The following MMP16 variants were observed in gnomAD, a reference collection of about 807,000 sequenced individuals.
MMP16 encodes matrix metalloproteinase-16.
MMP16 carries 12 observed loss-of-function variants against 67.8 expected under a neutral mutation model. The observed-to-expected ratio is 0.18, with a 90% CI of 0.11 to 0.29. The LOEUF (loss-of-function observed/expected upper bound fraction) is 0.29. MMP16 is among the 10% of genes least tolerant of loss of function. The pLI, the probability that MMP16 is intolerant of heterozygous loss-of-function variation, is 1.00. For missense variants in MMP16, 475 were observed against 765.7 expected (o/e 0.62, Z 4.48); for synonymous variants, 249 against 255.9 (o/e 0.97, Z 0.26).
intron 1 of MMP16, among the ~76,000 whole-genome samples, chr8:88,237,484 T>C (rs1378388468): frequency 6.6e-6 from 1 of 152,106 alleles, no homozygotes; most frequent in Non-Finnish European, 1.5e-5. Context: ...CCGTCTCTAC[T>C]AAATATACAA....
In MMP16 at chr8:88,239,310, A is replaced by AAG. The variant is rs1484988155; in HGVS notation, c.133-42005_133-42004insCT. On this transcript the variant is annotated intron_variant, in intron 1 of 9. Coordinates refer to ENST00000286614, the MANE Select transcript of MMP16 (RefSeq NM_005941.5). ...ACGCAGTCTCAAAAAAAAAAAAAAAAAAAAGAAAATTTCAAAATCAATTAA... is the reference window on the plus strand; with the variant it reads ...ACGCAGTCTCAAAAAAAAAAAAAAAAAGAAAAGAAAATTTCAAAATCAATTAA... 2.4e-4 allele frequency among the ~76,000 whole-genome samples: 36 copies of AAG among 151,424 alleles called. No homozygotes were observed. In the South Asian group the frequency reaches 4.8e-3, roughly 20 times the overall value.
intron 1 of MMP16, among the ~76,000 whole-genome samples, chr8:88,296,118 A>G (rs2130030679): frequency 6.6e-6 from 1 of 152,308 alleles, no homozygotes; most frequent in South Asian, 2.1e-4. Flanking sequence ...TTCAGGCTCC[A>G]TCATTCATCC....
chr8:88,243,991 T>C (rs1393370053), intron 1 of MMP16, among the ~76,000 whole-genome samples: 1 of 152,294 alleles, frequency 6.6e-6, no homozygotes, highest in East Asian at 1.9e-4. Flanking sequence ...GTAAATCAGT[T>C]ACTGGAATTG....
At chr8:88,233,255 G>T (rs186360750) in intron 1 of MMP16, among the ~76,000 whole-genome samples, 4 of 151,974 alleles carry the variant, frequency 2.6e-5, no homozygotes, top group African/African-American at 9.7e-5. Context: ...TAAAGTTGCC[G>T]ATCAGATAAA....
At chr8:88,156,376 G>A (rs895841464) in intron 4 of MMP16, among the ~76,000 whole-genome samples, 1 of 152,100 alleles carries the variant, frequency 6.6e-6, no homozygotes, top group Admixed American at 6.6e-5. Context: ...TAAATCAATG[G>A]CAAAGCTACA....
rs568555984 is a variant in MMP16 at position 88,222,099 on chromosome 8, T to C, written c.133-24793A>G. On this transcript the variant is annotated intron_variant, in intron 1 of 9. Coordinates refer to ENST00000286614, the MANE Select transcript of MMP16 (RefSeq NM_005941.5). Reference sequence around the variant, plus strand: ...ATAGCATTTTATTATTGGGATAGAGTAATTATAAAATCCAGGCAGGTGTCT... The same window carrying C: ...ATAGCATTTTATTATTGGGATAGAGCAATTATAAAATCCAGGCAGGTGTCT... Among the ~76,000 whole-genome samples the C allele has an allele frequency of 8.6e-5, 13 of 151,966 alleles. No individual in the cohort carries two copies. In the South Asian group the frequency reaches 2.7e-3, roughly 32 times the overall value.
intron 2 of MMP16, among the ~76,000 whole-genome samples, chr8:88,187,371 TTCTA>T (rs1809092134): frequency 6.6e-6 from 1 of 152,198 alleles, no homozygotes; most frequent in Non-Finnish European, 1.5e-5. Flanking sequence ...CTGTCACATT[TTCTA>T]TCTATTCTTG....
chr8:88,082,183 T>C (rs1808762347), intron 6 of MMP16, among the ~76,000 whole-genome samples: 1 of 151,686 alleles, frequency 6.6e-6, no homozygotes, highest in South Asian at 2.1e-4. Context: ...ACACACACAG[T>C]TTATAAATGT....
chr8:88,254,304 T>C (rs1219667344), intron 1 of MMP16, among the ~76,000 whole-genome samples: 1 of 151,950 alleles, frequency 6.6e-6, no homozygotes. Flanking sequence ...CACAGGCCTA[T>C]CAGAGAGTGG....
intron 1 of MMP16, among the ~76,000 whole-genome samples, chr8:88,221,067 G>A (rs1422999266): frequency 6.6e-6 from 1 of 152,004 alleles, no homozygotes; most frequent in Non-Finnish European, 1.5e-5. Context: ...GAAAGCTTCA[G>A]GACTTAGGAA....
intron 1 of MMP16, among the ~76,000 whole-genome samples, chr8:88,233,788 C>CT (rs1049693046): frequency 4.6e-5 from 7 of 152,274 alleles, no homozygotes; most frequent in Admixed American, 3.9e-4. Flanking sequence ...CAACTTGTCC[C>CT]TAATGTGGGA....
intron 1 of MMP16, among the ~76,000 whole-genome samples, chr8:88,281,441 C>T (rs1184194218): frequency 6.6e-6 from 1 of 152,174 alleles, no homozygotes; most frequent in Non-Finnish European, 1.5e-5. Context: ...TTTTCAAAAT[C>T]ATCCTGAAGG....
chr8:88,249,715 A>G (rs959632781), intron 1 of MMP16, among the ~76,000 whole-genome samples: 2 of 152,022 alleles, frequency 1.3e-5, no homozygotes, highest in Non-Finnish European at 2.9e-5. Context: ...TTTAGGGAGA[A>G]GGCAGGCAAG....
chr8:88,323,532 T>C (rs373111911), intron 1 of MMP16, among the ~76,000 whole-genome samples: 17 of 152,168 alleles, frequency 1.1e-4, no homozygotes, highest in African/African-American at 4.1e-4. Flanking sequence ...ACTTTTTTTG[T>C]CACAAAAGAG....
chr8:88,214,042 G>A (rs1186281985), intron 1 of MMP16, among the ~76,000 whole-genome samples: 2 of 152,024 alleles, frequency 1.3e-5, no homozygotes, highest in African/African-American at 4.8e-5. Context: ...TATGAAAGCT[G>A]GTAATAACAA....
At chr8:88,228,288 G>T (rs1023788317) in intron 1 of MMP16, among the ~76,000 whole-genome samples, 1 of 151,976 alleles carries the variant, frequency 6.6e-6, no homozygotes, top group Non-Finnish European at 1.5e-5. Context: ...AATAATATGA[G>T]AATTGAAACA....
chr8:88,131,197 AG>A (rs1199769474), intron 4 of MMP16, among the ~76,000 whole-genome samples: 1 of 151,498 alleles, frequency 6.6e-6, no homozygotes, highest in East Asian at 2.0e-4. Flanking sequence ...GGTACAGGCA[AG>A]TTTGTATCCA....
At chr8:88,059,533 T>A (rs907358567) in intron 7 of MMP16, among the ~76,000 whole-genome samples, 7 of 152,154 alleles carry the variant, frequency 4.6e-5, no homozygotes, top group Non-Finnish European at 1.0e-4. Flanking sequence ...TAGTTATTCG[T>A]GGCTGACATC....
rs1809367446 is a variant in MMP16 at position 88,113,162 on chromosome 8, T to G, written c.1083+3345A>C. On this transcript the variant is annotated intron_variant, in intron 6 of 9. Coordinates refer to ENST00000286614, the MANE Select transcript of MMP16 (RefSeq NM_005941.5). ...ACCTTCTGCTCTGGAGAAGTAAAAA[T>G]CTTGTTGAGGAACACATTTCAATAA... 2.0e-5 allele frequency among the ~76,000 whole-genome samples: 3 copies of G among 151,738 alleles called. No individual in the cohort carries two copies. In the Admixed American group the frequency reaches 2.0e-4, roughly 10 times the overall value.
Sources: gnomAD v4.1 joint callset for allele counts (sites outside exome capture counted in the v4.1 genomes callset) on GRCh38, gnomAD v4.1.1 for gene constraint, MANE v1.5 for transcripts, NCBI Gene and HGNC (gene_info 2026-07-23, HGNC 2026-07-21) for gene names.